GLCCI1: variants seen among roughly 807,000 people sequenced by gnomAD.
GLCCI1 encodes the protein glucocorticoid induced 1, also known as glucocorticoid-induced transcript 1 protein.
In GLCCI1, 24 loss-of-function variants were observed where a neutral mutation model predicts 52.2. That is an observed-to-expected ratio of 0.46 (90% CI 0.33 to 0.65). The LOEUF (loss-of-function observed/expected upper bound fraction) is 0.65, where lower values mean the gene tolerates loss of function less well. Among genes scored for constraint, GLCCI1 ranks in the 30% least tolerant of loss-of-function variants. The pLI is 0.02. For missense variants in GLCCI1, 704 were observed against 701.5 expected (o/e 1.00, Z -0.04); for synonymous variants, 310 against 276.5 (o/e 1.12, Z -1.20).
rs1783177875 is a variant in GLCCI1 at position 8,088,984 on chromosome 7, T to C, written c.*2446T>C. On this transcript the variant is annotated 3_prime_UTR_variant, in exon 8 of 8. Coordinates refer to ENST00000223145, the MANE Select transcript of GLCCI1 (RefSeq NM_138426.4). ...ACAGTATTTGAGTTACCATATAATATGGCTTTACACAAGGAAATGTGTGGC... is the reference window on the plus strand; with the variant it reads ...ACAGTATTTGAGTTACCATATAATACGGCTTTACACAAGGAAATGTGTGGC... 1 of 152,690 alleles carries C rather than the reference T, an allele frequency of 6.5e-6. No individual in the cohort carries two copies. Among genetic ancestry groups the C allele is most frequent in the African/African-American group, 2.4e-5 (1 of 41,474 alleles). 9.5% of individuals were successfully genotyped at this position (152,690 alleles called of 1,614,324 possible).
In GLCCI1 at chr7:8,076,750, A is replaced by G. The variant is rs147685062; in HGVS notation, c.1177+5619A>G. Among the ~76,000 whole-genome samples, 381 of 152,334 alleles carry G rather than the reference A, an allele frequency of 2.5e-3. 2 individuals are homozygous for G. The highest frequency in any genetic ancestry group is 4.2e-3 in the Non-Finnish European group (283 of 68,018). ...TCTATTTACCATGATGTTAGCTCCA[A>G]CAAGAGTAAATGACCATATTTTGGT... On this transcript the variant is annotated intron_variant, in intron 6 of 7. Transcript: ENST00000223145.
chr7:7,998,275 G>C (rs1292541637), intron 1 of GLCCI1, among the ~76,000 whole-genome samples: 1 of 151,728 alleles, frequency 6.6e-6, no homozygotes, highest in Non-Finnish European at 1.5e-5. Context: ...GGAGTGCAGT[G>C]GCGTGATCTT....
intron 1 of GLCCI1, among the ~76,000 whole-genome samples, chr7:7,980,004 T>C (rs2115406516): frequency 6.6e-6 from 1 of 152,282 alleles, no homozygotes; most frequent in South Asian, 2.1e-4. Context: ...GGCACAATCT[T>C]GGCTCACTGT....
In GLCCI1 at chr7:8,071,033, G is replaced by C. The variant is rs1192289078; in HGVS notation, c.1079G>C (p.Cys360Ser). Residue 360 changes from cysteine (C) to serine (S), a missense_variant, in exon 6 of 8, where the codon TGC (cysteine) becomes TCC (serine). Coordinates refer to ENST00000223145, the MANE Select transcript of GLCCI1 (RefSeq NM_138426.4). ...TCTGTCCAGGAGCGCAGCAGTAGCT[G>C]CAGCAGTCATTCACCCTGTGTCTCC... is the stretch of plus-strand genomic sequence containing the variant. ...TPSVQERSSS[C>S]SSHSPCVSPF... 1.2e-6 allele frequency: 2 copies of C among 1,614,166 alleles called. No homozygotes were observed. The highest frequency in any genetic ancestry group is 3.3e-5 in the Admixed American group (2 of 60,014).
chr7:8,034,230 T>C (rs1781817320), intron 3 of GLCCI1, among the ~76,000 whole-genome samples: 1 of 152,154 alleles, frequency 6.6e-6, no homozygotes, highest in African/African-American at 2.4e-5. Context: ...GTCCTAGCTC[T>C]CACCATAGAG....
chr7:8,059,796 G>A (rs891891328), intron 4 of GLCCI1, among the ~76,000 whole-genome samples: 4 of 152,150 alleles, frequency 2.6e-5, no homozygotes, highest in African/African-American at 9.7e-5. Flanking sequence ...ATAGAAAAAG[G>A]AAAACAATGT....
chr7:8,027,146 C>T (rs551712746), intron 3 of GLCCI1, among the ~76,000 whole-genome samples: 1 of 152,290 alleles, frequency 6.6e-6, no homozygotes, highest in African/African-American at 2.4e-5. Context: ...GAACCAGGCA[C>T]CAGGGACTAA....
rs759164991 is a variant in GLCCI1, at chr7:8,086,550, C to G, written c.*12C>G. 6.4e-7 allele frequency: 1 copy of G among 1,562,010 alleles called. No homozygotes were observed. The highest frequency in any genetic ancestry group is 1.4e-5 in the African/African-American group (1 of 72,922). Reference sequence around the variant, plus strand: ...ATGTGATCATCTAAAAAAGGGGGAGCTGGCCTCCACCCTATGTTCCATGGA... The same window carrying G: ...ATGTGATCATCTAAAAAAGGGGGAGGTGGCCTCCACCCTATGTTCCATGGA... On this transcript the variant is annotated 3_prime_UTR_variant, in exon 8 of 8. Coordinates refer to ENST00000223145, the MANE Select transcript of GLCCI1 (RefSeq NM_138426.4). The surrounding 1 kb of genome is among the most constrained non-coding windows in gnomAD (Gnocchi z 4.4).
chr7:8,023,231 G>T (rs1781532050), intron 3 of GLCCI1, among the ~76,000 whole-genome samples: 1 of 152,094 alleles, frequency 6.6e-6, no homozygotes, highest in Non-Finnish European at 1.5e-5. Context: ...TAGCCAGGAT[G>T]GTCTCAATCT....
At chr7:8,061,716 G>C (rs986217322) in intron 5 of GLCCI1, among the ~76,000 whole-genome samples, 6 of 131,632 alleles carry the variant, frequency 4.6e-5, no homozygotes, top group Non-Finnish European at 9.3e-5. Flanking sequence ...GCCTAGGCTG[G>C]AGTGCAGTGG....
chr7:8,083,519 G>A (rs1374057169), intron 6 of GLCCI1, among the ~76,000 whole-genome samples: 11 of 152,022 alleles, frequency 7.2e-5, no homozygotes, highest in Non-Finnish European at 1.6e-4. Flanking sequence ...CCTCCCATTT[G>A]TTCATGCAAG....
chr7:8,063,720 A>G (rs890184141), intron 5 of GLCCI1, among the ~76,000 whole-genome samples: 1 of 114,096 alleles, frequency 8.8e-6, no homozygotes, highest in African/African-American at 2.9e-5. Context: ...TCAGGCCCAA[A>G]TGATCCTTCC....
chr7:8,031,688 C>T (rs1781752801), intron 3 of GLCCI1, among the ~76,000 whole-genome samples: 2 of 151,362 alleles, frequency 1.3e-5, no homozygotes, highest in Admixed American at 1.3e-4. Context: ...TATGTACCCA[C>T]AATAATTAAA....
intron 2 of GLCCI1, among the ~76,000 whole-genome samples, chr7:8,012,058 G>C (rs567585632): frequency 6.6e-6 from 1 of 151,762 alleles, no homozygotes; most frequent in Admixed American, 6.6e-5. Flanking sequence ...CTTGTGATCC[G>C]CTTGCCTCGG....
intron 1 of GLCCI1, among the ~76,000 whole-genome samples, chr7:7,993,451 A>G (rs1251800973): frequency 6.6e-6 from 1 of 152,128 alleles, no homozygotes; most frequent in Non-Finnish European, 1.5e-5. Context: ...GTTAGATTTG[A>G]GCATAGCCAT....
chr7:8,028,207 A>C (rs1387809054), intron 3 of GLCCI1, among the ~76,000 whole-genome samples: 3 of 152,212 alleles, frequency 2.0e-5, no homozygotes, highest in Non-Finnish European at 2.9e-5. Flanking sequence ...ACCACATATT[A>C]GGTCACAAAA....
chr7:8,014,504 T>G (rs1411008534), intron 2 of GLCCI1, among the ~76,000 whole-genome samples: 1 of 152,220 alleles, frequency 6.6e-6, no homozygotes, highest in African/African-American at 2.4e-5. Context: ...AATTCTATAT[T>G]TGTTTATTAT....
At chr7:7,972,318 A>AGTGTGTGT (rs1489297903) in intron 1 of GLCCI1, among the ~76,000 whole-genome samples, 6 of 150,322 alleles carry the variant, frequency 4.0e-5, no homozygotes, top group African/African-American at 1.5e-4. Context: ...TGCACACTTC[A>AGTGTGTGT]GTGTATGTGT....
At chr7:8,005,782 G>GTTTT (rs558127110) in intron 2 of GLCCI1, among the ~76,000 whole-genome samples, 6 of 147,908 alleles carry the variant, frequency 4.1e-5, no homozygotes, top group African/African-American at 1.3e-4. Context: ...ACATTATCTA[G>GTTTT]TTTTTTTTTT....
Sources: gnomAD v4.1 joint callset for allele counts (sites outside exome capture counted in the v4.1 genomes callset) on GRCh38, gnomAD v4.1.1 for gene constraint, Gnocchi (gnomAD v3.1) non-coding constraint, MANE v1.5 for transcripts, NCBI Gene and HGNC (gene_info 2026-07-23, HGNC 2026-07-21) for gene names.